LRFN2: variants seen among roughly 807,000 people sequenced by gnomAD.
LRFN2 encodes leucine-rich repeat and fibronectin type-III domain-containing protein 2.
LRFN2 carries 18 observed loss-of-function variants against 37.3 expected under a neutral mutation model. The ratio of observed to expected loss-of-function variants is 0.48; its 90% CI spans 0.33 to 0.72. The LOEUF (loss-of-function observed/expected upper bound fraction) is 0.72. Among genes scored for constraint, LRFN2 ranks in the 30% least tolerant of loss-of-function variants. The pLI is 0.02. For missense variants in LRFN2, 1,006 were observed against 1,060.7 expected, an observed-to-expected ratio of 0.95 and a Z score of 0.72; for synonymous variants, 556 against 466.6, an observed-to-expected ratio of 1.19 and a Z score of -2.47.
At chr6:40,461,295 C>A (rs1007391219) in intron 1 of LRFN2, among the ~76,000 whole-genome samples, 2 of 151,992 alleles carry the variant, frequency 1.3e-5, no homozygotes, top group Non-Finnish European at 2.9e-5. Flanking sequence ...GCAGTCCCAG[C>A]TACTATGGAG....
intron 1 of LRFN2, among the ~76,000 whole-genome samples, chr6:40,541,489 A>G (rs959493184): frequency 4.6e-5 from 7 of 152,130 alleles, no homozygotes; most frequent in Non-Finnish European, 7.4e-5. Flanking sequence ...AAGAGGTGAT[A>G]GGGCCTGGGT....
intron 1 of LRFN2, among the ~76,000 whole-genome samples, chr6:40,553,248 T>C (rs2113924023): frequency 6.6e-6 from 1 of 152,310 alleles, no homozygotes; most frequent in South Asian, 2.1e-4. Flanking sequence ...TTGGCTATGG[T>C]AAATATCAGC....
At chr6:40,409,730 C>G (rs1322290632) in intron 2 of LRFN2, among the ~76,000 whole-genome samples, 15 of 152,132 alleles carry the variant, frequency 9.9e-5, no homozygotes, top group Non-Finnish European at 1.5e-5. Context: ...TGTGAGGTGT[C>G]CATTTTTTAT....
At chr6:40,472,188 C>T (rs890135356) in intron 1 of LRFN2, among the ~76,000 whole-genome samples, 23 of 152,320 alleles carry the variant, frequency 1.5e-4, no homozygotes, top group African/African-American at 4.3e-4. Context: ...TCCTCATCTT[C>T]CCTCCACCTT....
chr6:40,425,968 C>T (rs1263129557), intron 2 of LRFN2, among the ~76,000 whole-genome samples: 1 of 152,168 alleles, frequency 6.6e-6, no homozygotes, highest in Non-Finnish European at 1.5e-5. Context: ...TTGCTCTTAG[C>T]TCTTTGGGGT....
chr6:40,402,910 G>A (rs1185409966), intron 2 of LRFN2, among the ~76,000 whole-genome samples: 1 of 152,194 alleles, frequency 6.6e-6, no homozygotes, highest in Non-Finnish European at 1.5e-5. Context: ...GGAACCACGT[G>A]GATATCCATG....
Position 40,465,535 on chromosome 6 carries a change from C to G in LRFN2, c.-18-32404G>C, listed in dbSNP as rs1036100296. 2.6e-5 allele frequency among the ~76,000 whole-genome samples: 4 copies of G among 152,162 alleles called. No individual in the cohort carries two copies. The East Asian group carries it at 7.7e-4, about 29-fold the overall frequency. On this transcript the variant is annotated intron_variant, in intron 1 of 2. Transcript: ENST00000338305. ...AAGTCACCCCCAGATAAACTTCTTA[C>G]TCTCAGATCCTGACTTGGTTTACTT... is the stretch of plus-strand genomic sequence containing the variant.
intron 1 of LRFN2, among the ~76,000 whole-genome samples, chr6:40,555,090 A>C (rs1222008350): frequency 1.3e-5 from 2 of 152,134 alleles, no homozygotes; most frequent in Non-Finnish European, 2.9e-5. Flanking sequence ...TCCCTGGGTA[A>C]GATGTTCTTT....
intron 1 of LRFN2, among the ~76,000 whole-genome samples, chr6:40,532,792 G>A (rs1056874509): frequency 6.6e-6 from 1 of 152,204 alleles, no homozygotes; most frequent in African/African-American, 2.4e-5. Flanking sequence ...ACTGGGATGG[G>A]AGCTCATTAA....
At chr6:40,526,148 G>T (rs1459265834) in intron 1 of LRFN2, among the ~76,000 whole-genome samples, 3 of 152,226 alleles carry the variant, frequency 2.0e-5, no homozygotes, top group East Asian at 1.9e-4. Flanking sequence ...TGCTACTGCT[G>T]TCCCCATTCC....
In LRFN2 at chr6:40,432,663, A is replaced by G. The variant is rs755867122; in HGVS notation, c.451T>C (p.Leu151=). 9.9e-6 allele frequency: 16 copies of G among 1,614,016 alleles called. No homozygotes were observed. The highest frequency in any genetic ancestry group is 6.7e-5 in the East Asian group (3 of 44,888). Residue 151 remains leucine, a synonymous_variant, in exon 2 of 3, where the codon TTG becomes CTG. Coordinates refer to ENST00000338305, the MANE Select transcript of LRFN2 (RefSeq NM_020737.3). ...DEAFEDFLLT[L]EDLDLSYNNL... ...TTGTAGGAGAGGTCCAGATCCTCCA[A>G]TGTCAGCAGGAAGTCCTCAAAAGCC...
Position 40,391,809 on chromosome 6 carries a change from C to T in LRFN2, c.*134G>A, listed in dbSNP as rs1473065897. The T allele has an allele frequency of 8.8e-6, 8 of 910,162 alleles. No homozygotes were observed. The highest frequency in any genetic ancestry group is 7.0e-5 in the South Asian group (3 of 42,618). 56.4% of individuals were successfully genotyped at this position (910,162 alleles called of 1,614,324 possible). A position where few individuals can be genotyped will look rare whatever the true frequency, so the allele number is the denominator to read the frequency against. On this transcript the variant is annotated 3_prime_UTR_variant, in exon 3 of 3. Coordinates refer to ENST00000338305, the MANE Select transcript of LRFN2 (RefSeq NM_020737.3). ...GGGTGTTGCGGGGTAGGGGGGGACACGAGGCCATTGACAGGGAGACGAAAC... is the reference window on the plus strand; with the variant it reads ...GGGTGTTGCGGGGTAGGGGGGGACATGAGGCCATTGACAGGGAGACGAAAC...
chr6:40,419,482 C>T (rs1217868729), intron 2 of LRFN2, among the ~76,000 whole-genome samples: 1 of 152,184 alleles, frequency 6.6e-6, no homozygotes, highest in African/African-American at 2.4e-5. Context: ...CAAGTGCAGT[C>T]CTGCCCAGCC....
rs190778095 is a variant in LRFN2 at position 40,584,757 on chromosome 6, G to T, written c.-19+2184C>A. Among the ~76,000 whole-genome samples, 171 of 151,624 alleles carry T rather than the reference G, an allele frequency of 1.1e-3. 2 individuals carry two copies. Among genetic ancestry groups the T allele is most frequent in the Non-Finnish European group, 3.5e-4 (24 of 67,960 alleles). ...CCTGCAAAAAAGGAGAGCAGAACCTGCTCAACCCCACAGGCTGAAGAGGCT... is the reference window on the plus strand; with the variant it reads ...CCTGCAAAAAAGGAGAGCAGAACCTTCTCAACCCCACAGGCTGAAGAGGCT... On this transcript the variant is annotated intron_variant, in intron 1 of 2. Coordinates refer to ENST00000338305, the MANE Select transcript of LRFN2 (RefSeq NM_020737.3).
At chr6:40,458,297 C>T (rs764166082) in intron 1 of LRFN2, among the ~76,000 whole-genome samples, 1 of 152,120 alleles carries the variant, frequency 6.6e-6, no homozygotes, top group African/African-American at 2.4e-5. Context: ...GGCAATTTGC[C>T]GGAATGATTT....
intron 1 of LRFN2, among the ~76,000 whole-genome samples, chr6:40,448,525 A>T (rs1561860236): frequency 6.6e-6 from 1 of 152,230 alleles, no homozygotes; most frequent in African/African-American, 2.4e-5. Flanking sequence ...GTCAGCCCTA[A>T]TCTTTTGGAT....
chr6:40,585,329 G>T (rs1316328530), intron 1 of LRFN2, among the ~76,000 whole-genome samples: 1 of 152,144 alleles, frequency 6.6e-6, no homozygotes, highest in Non-Finnish European at 1.5e-5. Flanking sequence ...ATGCAACTCT[G>T]CACTCCCAGC....
intron 1 of LRFN2, among the ~76,000 whole-genome samples, chr6:40,508,730 C>A (rs948068616): frequency 1.3e-5 from 2 of 152,206 alleles, no homozygotes; most frequent in Non-Finnish European, 2.9e-5. Context: ...CTTGGCATGA[C>A]ATTAGTGTTC....
At chr6:40,579,483 G>A (rs1031445651) in intron 1 of LRFN2, among the ~76,000 whole-genome samples, 6 of 150,588 alleles carry the variant, frequency 4.0e-5, no homozygotes, top group East Asian at 4.0e-4. Context: ...TTTCTTAAGC[G>A]GACTTCATTA....
Sources: allele counts gnomAD v4.1 joint callset (sites outside exome capture counted in the v4.1 genomes callset), GRCh38; gene constraint gnomAD v4.1.1; transcripts MANE v1.5; gene names NCBI Gene and HGNC (gene_info 2026-07-23, HGNC 2026-07-21).